ARIH1: variants seen among roughly 807,000 people sequenced by gnomAD.
The protein encoded by ARIH1 is ariadne RBR E3 ubiquitin protein ligase 1.
In ARIH1, 8 loss-of-function variants were observed where a neutral mutation model predicts 85.0. The observed-to-expected ratio is 0.09, with a 90% CI of 0.06 to 0.17. The LOEUF (loss-of-function observed/expected upper bound fraction) is 0.17. Among genes scored for constraint, ARIH1 ranks in the 10% least tolerant of loss-of-function variants. ARIH1 has a pLI of 1.00. For synonymous variants in ARIH1, 238 were observed against 253.6 expected, an observed-to-expected ratio of 0.94 and a Z score of 0.59; for missense variants, 311 against 718.1, an observed-to-expected ratio of 0.43 and a Z score of 6.48.
chr15:72,478,220 A>G (rs1206902270), intron 1 of ARIH1, among the ~76,000 whole-genome samples: 1 of 152,128 alleles, frequency 6.6e-6, no homozygotes, highest in Non-Finnish European at 1.5e-5. Flanking sequence ...GGTTCAAGCA[A>G]TTCTCCTGCC....
intron 1 of ARIH1, among the ~76,000 whole-genome samples, chr15:72,496,398 A>C (rs1284938183): frequency 6.6e-6 from 1 of 152,230 alleles, no homozygotes; most frequent in Non-Finnish European, 1.5e-5. Context: ...TTAGTGTCAC[A>C]GTAGAAACTT....
chr15:72,506,221 G>A (rs1309691629), intron 1 of ARIH1, among the ~76,000 whole-genome samples: 2 of 151,798 alleles, frequency 1.3e-5, no homozygotes, highest in African/African-American at 4.8e-5. Context: ...GTGGTGGTGG[G>A]CACCTGTAAT....
intron 2 of ARIH1, among the ~76,000 whole-genome samples, chr15:72,520,422 G>A (rs2063994334): frequency 6.7e-6 from 1 of 149,496 alleles, no homozygotes; most frequent in Non-Finnish European, 1.5e-5. Context: ...ACCTTTCTGG[G>A]TTTTAGGAGT....
Position 72,592,119 on chromosome 15 carries a change from G to A in ARIH1, c.*8827G>A, listed in dbSNP as rs1418816998. The A allele has an allele frequency of 6.6e-6, 1 of 152,214 alleles. No individual in the cohort carries two copies. The highest frequency in any genetic ancestry group is 1.5e-5 in the Non-Finnish European group (1 of 68,042). The allele number at this position is 152,214 out of a possible 1,614,324, so 9.4% of individuals were successfully genotyped here. On this transcript the variant is annotated 3_prime_UTR_variant, in exon 14 of 14. Transcript: ENST00000379887. ...TTTTTACTCGCTTGCAATAAAGTAG[G>A]TTAAGTGCTGTACTTTAAGGAAGTC... is the stretch of plus-strand genomic sequence containing the variant.
chr15:72,546,882 G>A (rs940296492), intron 3 of ARIH1, among the ~76,000 whole-genome samples: 2 of 146,520 alleles, frequency 1.4e-5, no homozygotes, highest in African/African-American at 5.2e-5. Flanking sequence ...GAGCCACCAC[G>A]CTCCTCCAGT....
chr15:72,506,980 TTATGTATGTATG>T (rs72006883), intron 1 of ARIH1, among the ~76,000 whole-genome samples: 110,530 of 149,976 alleles, frequency 0.74, 42,878 homozygotes, highest in East Asian at 0.89. Context: ...GTGATTATTT[TTATGTATGTATG>T]TATGTATGTA....
At chr15:72,507,000 GTATGTATGTATGTATGTATGTATT>G (rs971065914) in intron 1 of ARIH1, among the ~76,000 whole-genome samples, 1 of 139,154 alleles carries the variant, frequency 7.2e-6, no homozygotes, top group Non-Finnish European at 1.7e-5. Context: ...ATGTATGTAT[GTATGTATGTATGTATGTATGTATT>G]TATTTATTTA....
intron 3 of ARIH1, among the ~76,000 whole-genome samples, chr15:72,549,670 A>G (rs868169821): frequency 2.6e-5 from 4 of 152,134 alleles, no homozygotes; most frequent in African/African-American, 4.8e-5. Context: ...TAGAGGTTAT[A>G]TGGACAACTT....
In ARIH1 at chr15:72,474,518, G is replaced by C. The variant is rs1248906975; in HGVS notation, c.-122G>C. ...CGCTCCTGGGGAGGAGCCGCGGCTC[G>C]CGGGGCCGGAGCCAGGCCTGCGTCC... On this transcript the variant is annotated 5_prime_UTR_variant, in exon 1 of 14. Coordinates refer to ENST00000379887, the MANE Select transcript of ARIH1 (RefSeq NM_005744.5). The C allele has an allele frequency of 2.3e-6, 3 of 1,277,206 alleles. No homozygotes were observed. The highest frequency in any genetic ancestry group is 3.3e-5 in the East Asian group (1 of 30,670). The allele number at this position is 1,277,206 out of a possible 1,614,324, so 79.1% of individuals were successfully genotyped here. A position where few individuals can be genotyped will look rare whatever the true frequency, so the allele number is the denominator to read the frequency against.
chr15:72,493,348 T>G (rs1010824365), intron 1 of ARIH1, among the ~76,000 whole-genome samples: 7 of 152,154 alleles, frequency 4.6e-5, no homozygotes, highest in Non-Finnish European at 1.0e-4. Context: ...TTAGAAAGAT[T>G]ATTCTGCACT....
intron 1 of ARIH1, among the ~76,000 whole-genome samples, chr15:72,509,240 T>G (rs2063939921): frequency 6.6e-6 from 1 of 152,120 alleles, no homozygotes; most frequent in African/African-American, 2.4e-5. Context: ...ATCACCTGCC[T>G]CGGTCTCCCA....
At chr15:72,478,871 G>GT (rs961340847) in intron 1 of ARIH1, among the ~76,000 whole-genome samples, 4 of 152,150 alleles carry the variant, frequency 2.6e-5, no homozygotes, top group African/African-American at 9.7e-5. Context: ...ATCACTTTGT[G>GT]TTGTTGCCCA....
intron 1 of ARIH1, among the ~76,000 whole-genome samples, chr15:72,517,523 C>T (rs912059046): frequency 6.6e-6 from 1 of 151,782 alleles, no homozygotes; most frequent in African/African-American, 2.4e-5. Flanking sequence ...CTCCCAGGTT[C>T]AGGTGATTCT....
intron 1 of ARIH1, among the ~76,000 whole-genome samples, chr15:72,499,537 T>C (rs2063894377): frequency 6.6e-6 from 1 of 152,252 alleles, no homozygotes; most frequent in Non-Finnish European, 1.5e-5. Context: ...ATTAGTTCGC[T>C]TATAGCTTGA....
intron 1 of ARIH1, among the ~76,000 whole-genome samples, chr15:72,514,849 A>G (rs1342550584): frequency 4.6e-5 from 7 of 151,782 alleles, no homozygotes; most frequent in Non-Finnish European, 1.0e-4. Flanking sequence ...AAATAAAGAA[A>G]ATTAGCTGAG....
intron 1 of ARIH1, among the ~76,000 whole-genome samples, chr15:72,516,256 A>G (rs1397825687): frequency 6.6e-6 from 1 of 152,202 alleles, no homozygotes; most frequent in Non-Finnish European, 1.5e-5. Context: ...TGGATGCCAC[A>G]AAGTTATAGT....
chr15:72,580,715 T>C lies in ARIH1; in HGVS notation c.1216-16T>C, dbSNP rs373964206. On this transcript the variant is annotated splice_polypyrimidine_tract_variant and intron_variant, in intron 11 of 13. Transcript: ENST00000379887. Reference sequence around the variant, plus strand: ...TGTGTTATAATTATATCACCCAATTTTTCTTAATGGGACAGCGATCTAGGG... The same window carrying C: ...TGTGTTATAATTATATCACCCAATTCTTCTTAATGGGACAGCGATCTAGGG... 6.9e-6 allele frequency: 11 copies of C among 1,596,348 alleles called. No homozygotes were observed. In the African/African-American group the frequency reaches 1.3e-4, roughly 20 times the overall value.
At chr15:72,525,542 A>G (rs1047255973) in intron 2 of ARIH1, among the ~76,000 whole-genome samples, 11 of 152,254 alleles carry the variant, frequency 7.2e-5, no homozygotes, top group Admixed American at 2.6e-4. Context: ...AACGTAATAC[A>G]TGGAAAATTA....
At chr15:72,519,684 G>A (rs1376620005) in intron 2 of ARIH1, among the ~76,000 whole-genome samples, 2 of 151,576 alleles carry the variant, frequency 1.3e-5, no homozygotes, top group Non-Finnish European at 2.9e-5. Context: ...AGGTTTCTCA[G>A]TGTTGGTCAG....
Sources: allele counts gnomAD v4.1 joint callset (sites outside exome capture counted in the v4.1 genomes callset), GRCh38; gene constraint gnomAD v4.1.1; transcripts MANE v1.5; gene names NCBI Gene and HGNC (gene_info 2026-07-23, HGNC 2026-07-21).